Variants in CNTNAP2 observed in about 807,000 individuals in gnomAD.
CNTNAP2 encodes the protein contactin-associated protein-like 2.
Under a neutral mutation model 155.2 loss-of-function variants are expected in CNTNAP2, and 98 were observed. The ratio of observed to expected loss-of-function variants is 0.63; its 90% confidence interval spans 0.54 to 0.75. The LOEUF is 0.75. Among genes scored for constraint, CNTNAP2 ranks in the 30% least tolerant of loss-of-function variants. CNTNAP2 has a pLI of 0.00. For synonymous variants in CNTNAP2, 651 were observed against 631.2 expected, an observed-to-expected ratio of 1.03 and a Z score of -0.47; for missense variants, 1,727 against 1,688.1, an observed-to-expected ratio of 1.02 and a Z score of -0.40.
intron 1 of CNTNAP2, among the ~76,000 whole-genome samples, chr7:146,669,777 G>A (rs2642521): frequency 0.81 from 123,041 of 152,072 alleles, 50,381 homozygotes; most frequent in South Asian, 0.91. Context: ...TTGATGCACT[G>A]TATTAAAAAT....
At chr7:146,264,087 C>G (rs1267657849) in intron 1 of CNTNAP2, among the ~76,000 whole-genome samples, 4 of 152,148 alleles carry the variant, frequency 2.6e-5, no homozygotes, top group Non-Finnish European at 5.9e-5. Flanking sequence ...AGTGATTTCA[C>G]TTTGGTAGAT....
chr7:146,969,619 G>A (rs1797737621), intron 3 of CNTNAP2, among the ~76,000 whole-genome samples: 1 of 147,158 alleles, frequency 6.8e-6, no homozygotes, highest in Non-Finnish European at 1.5e-5. Flanking sequence ...TTTTATCAGA[G>A]ACTAGGATTG....
At chr7:147,290,683 CAAAA>C (rs71182191) in intron 8 of CNTNAP2, among the ~76,000 whole-genome samples, 6 of 73,310 alleles carry the variant, frequency 8.2e-5, no homozygotes, top group Non-Finnish European at 1.3e-4. Flanking sequence ...ACTCCATCTC[CAAAA>C]AAAAAAAAAA....
At chr7:146,959,227 C>T (rs1438481559) in intron 3 of CNTNAP2, among the ~76,000 whole-genome samples, 3 of 151,936 alleles carry the variant, frequency 2.0e-5, no homozygotes, top group African/African-American at 7.3e-5. Context: ...ACCATATTGG[C>T]CAGGCTGGTT....
At chr7:146,848,252 A>G (rs73740881) in intron 3 of CNTNAP2, among the ~76,000 whole-genome samples, 3,070 of 152,314 alleles carry the variant, frequency 0.02, 97 homozygotes, top group African/African-American at 0.068. Context: ...TCTCACGAGA[A>G]AGAGGAATAA....
At chr7:146,456,728 A>C (rs945503193) in intron 1 of CNTNAP2, among the ~76,000 whole-genome samples, 1 of 152,164 alleles carries the variant, frequency 6.6e-6, no homozygotes, top group African/African-American at 2.4e-5. Flanking sequence ...CAGGCCTAAA[A>C]GAGGTCAGTA....
chr7:147,492,807 A>G (rs1472564164), intron 11 of CNTNAP2, among the ~76,000 whole-genome samples: 3 of 152,228 alleles, frequency 2.0e-5, no homozygotes, highest in African/African-American at 7.2e-5. Context: ...GGTTACTGAC[A>G]GCAATAAAAT....
At chr7:147,252,716 G>A (rs1804226746) in intron 8 of CNTNAP2, among the ~76,000 whole-genome samples, 1 of 152,082 alleles carries the variant, frequency 6.6e-6, no homozygotes, top group African/African-American at 2.4e-5. Flanking sequence ...ATGGTAGATT[G>A]ATTTATTCTG....
intron 10 of CNTNAP2, among the ~76,000 whole-genome samples, chr7:147,484,083 C>T (rs2116634339): frequency 6.6e-6 from 1 of 152,200 alleles, no homozygotes; most frequent in Middle Eastern, 3.4e-3. Context: ...TTTCGTGTAT[C>T]TTTTATGACT....
chr7:147,923,790 C>A (rs1453790505), intron 14 of CNTNAP2, among the ~76,000 whole-genome samples: 2 of 151,980 alleles, frequency 1.3e-5, no homozygotes, highest in African/African-American at 4.8e-5. Flanking sequence ...CTTGGTCTCC[C>A]AAAATACTGG....
intron 13 of CNTNAP2, among the ~76,000 whole-genome samples, chr7:147,727,136 G>A (rs1340394067): frequency 6.6e-6 from 1 of 151,936 alleles, no homozygotes. Context: ...AAAGAAGACA[G>A]ATAGCATCCT....
chr7:147,692,536 G>A (rs1796102831), intron 13 of CNTNAP2, among the ~76,000 whole-genome samples: 1 of 152,048 alleles, frequency 6.6e-6, no homozygotes, highest in African/African-American at 2.4e-5. Flanking sequence ...CAGTGTTGCA[G>A]ATTTTGGCCA....
intron 8 of CNTNAP2, among the ~76,000 whole-genome samples, chr7:147,243,135 T>C (rs1353017387): frequency 1.3e-5 from 2 of 151,356 alleles, no homozygotes; most frequent in African/African-American, 4.9e-5. Flanking sequence ...GAGCTGGGAC[T>C]ACAGGGGCCC....
chr7:147,731,955 G>C (rs755720178), intron 13 of CNTNAP2, among the ~76,000 whole-genome samples: 4 of 152,098 alleles, frequency 2.6e-5, no homozygotes, highest in Non-Finnish European at 4.4e-5. Flanking sequence ...GAGCCTGAAG[G>C]TGTGACTGAA....
intron 1 of CNTNAP2, among the ~76,000 whole-genome samples, chr7:146,425,319 C>T (rs539754415): frequency 1.3e-5 from 2 of 152,148 alleles, no homozygotes; most frequent in Admixed American, 1.3e-4. Context: ...AGAAAAGTCC[C>T]CATTACCTGA....
At chr7:146,738,480 A>C (rs573101074) in intron 1 of CNTNAP2, among the ~76,000 whole-genome samples, 16 of 151,864 alleles carry the variant, frequency 1.1e-4, no homozygotes, top group African/African-American at 3.6e-4. Context: ...CGTTTTGTTT[A>C]TTGTTCCTTT....
intron 1 of CNTNAP2, among the ~76,000 whole-genome samples, chr7:146,144,299 G>A (rs972490500): frequency 6.6e-5 from 10 of 152,012 alleles, no homozygotes; most frequent in South Asian, 4.2e-4. Context: ...CCACAGGTGC[G>A]CACCAGCGTG....
intron 4 of CNTNAP2, among the ~76,000 whole-genome samples, chr7:147,086,629 G>A (rs531169718): frequency 6.7e-4 from 102 of 152,084 alleles, no homozygotes; most frequent in African/African-American, 2.3e-3. Context: ...TGTGGAGACA[G>A]GGTCTCTCTA....
At chr7:146,928,280 T>C (rs1308660074) in intron 3 of CNTNAP2, among the ~76,000 whole-genome samples, 3 of 152,222 alleles carry the variant, frequency 2.0e-5, no homozygotes, top group Non-Finnish European at 4.4e-5. Context: ...TAAGTTCCTC[T>C]TTACTTACTA....
Sources: allele counts gnomAD v4.1 joint callset (sites outside exome capture counted in the v4.1 genomes callset), GRCh38; gene constraint gnomAD v4.1.1; transcripts MANE v1.5; gene names NCBI Gene and HGNC (gene_info 2026-07-23, HGNC 2026-07-21).